Variants in JAK2 observed in about 807,000 individuals in gnomAD.
The protein encoded by JAK2 is tyrosine-protein kinase JAK2.
JAK2 carries 86 observed loss-of-function variants against 139.3 expected under a neutral mutation model. The ratio of observed to expected loss-of-function variants is 0.62; its 90% CI spans 0.52 to 0.74. The LOEUF is 0.74. Among genes scored for constraint, JAK2 ranks in the 30% least tolerant of loss-of-function variants. JAK2 has a pLI of 0.00. For missense variants in JAK2, 1,421 were observed against 1,360.3 expected (o/e 1.04, Z -0.70); for synonymous variants, 490 against 437.7 (o/e 1.12, Z -1.49).
At chr9:5,113,016 G>GT (rs905329375) in intron 22 of JAK2, among the ~76,000 whole-genome samples, 1 of 152,014 alleles carries the variant, frequency 6.6e-6, no homozygotes, top group African/African-American at 2.4e-5. Context: ...GGCAAGGAAG[G>GT]TGAGTGATGG....
At chr9:5,043,493 C>T (rs953093553) in intron 4 of JAK2, among the ~76,000 whole-genome samples, 4 of 152,166 alleles carry the variant, frequency 2.6e-5, no homozygotes, top group Non-Finnish European at 2.9e-5. Flanking sequence ...CAGTATATTG[C>T]TGTTGGGAAT....
At chr9:5,018,132 T>C (rs1822191239) in intron 2 of JAK2, among the ~76,000 whole-genome samples, 1 of 152,216 alleles carries the variant, frequency 6.6e-6, no homozygotes, top group African/African-American at 2.4e-5. Context: ...ATTCCTGTCA[T>C]TTTATTAATT....
intron 5 of JAK2, among the ~76,000 whole-genome samples, chr9:5,050,015 GGGC>G (rs1817301631): frequency 1.3e-5 from 2 of 152,080 alleles, no homozygotes; most frequent in Non-Finnish European, 2.9e-5. Context: ...CATTGTTATG[GGGC>G]ACATGGCTAT....
At chr9:5,082,942 T>C (rs1435337329) in intron 19 of JAK2, among the ~76,000 whole-genome samples, 2 of 152,254 alleles carry the variant, frequency 1.3e-5, no homozygotes, top group Non-Finnish European at 2.9e-5. Flanking sequence ...GAATTTCTTA[T>C]GTCTTCCTTT....
At chr9:5,090,667 T>C (rs1272323069) in intron 21 of JAK2, 72 bp from the exon 22 acceptor site, 1 of 1,518,130 alleles carries the variant, frequency 6.6e-7, no homozygotes, top group Non-Finnish European at 8.9e-7. Context: ...ATAAAGGGAA[T>C]ATATAGGGTT....
intron 2 of JAK2, among the ~76,000 whole-genome samples, chr9:5,006,837 T>C (rs1821338987): frequency 6.6e-6 from 1 of 152,194 alleles, no homozygotes; most frequent in South Asian, 2.1e-4. Context: ...CAATTATATA[T>C]AGAATTATTC....
intron 22 of JAK2, among the ~76,000 whole-genome samples, chr9:5,092,525 T>C (rs1179034140): frequency 6.6e-6 from 1 of 152,028 alleles, no homozygotes; most frequent in East Asian, 1.9e-4. Context: ...ACCATCGTAA[T>C]CAAACCATTT....
rs537424087 is a variant in JAK2 at position 5,022,217 on chromosome 9, A to G, written c.226+4A>G. ...ATTGCTGCTTCTAAAGCTTGTGGTAAGTATTAAAAAACAGCATTTTCCTTT... is the reference window on the plus strand; with the variant it reads ...ATTGCTGCTTCTAAAGCTTGTGGTAGGTATTAAAAAACAGCATTTTCCTTT... On this transcript the variant is annotated splice_donor_region_variant and intron_variant, in intron 3 of 24. Coordinates refer to ENST00000381652, the MANE Select transcript of JAK2 (RefSeq NM_004972.4). 3.7e-6 allele frequency: 6 copies of G among 1,606,592 alleles called. No individual in the cohort carries two copies. The highest frequency in any genetic ancestry group is 5.1e-6 in the Non-Finnish European group (6 of 1,173,746).
At chr9:5,106,252 C>T (rs974433135) in intron 22 of JAK2, among the ~76,000 whole-genome samples, 1 of 152,222 alleles carries the variant, frequency 6.6e-6, no homozygotes. Flanking sequence ...TGAACAGACA[C>T]TTCTCAAAAG....
chr9:5,079,563 A>C (rs1819538373), intron 16 of JAK2, among the ~76,000 whole-genome samples: 1 of 151,886 alleles, frequency 6.6e-6, no homozygotes. Flanking sequence ...TCTCTGAATG[A>C]TGTAACATTA....
intron 5 of JAK2, among the ~76,000 whole-genome samples, chr9:5,044,855 A>G (rs1293809063): frequency 6.6e-6 from 1 of 152,206 alleles, no homozygotes; most frequent in Non-Finnish European, 1.5e-5. Context: ...TATTAGTAAC[A>G]TTTCTTTATG....
upstream of JAK2, chr9:4,984,732 C>A (rs903100720): frequency 6.6e-6 from 1 of 152,370 alleles, no homozygotes; most frequent in Non-Finnish European, 1.5e-5. Context: ...CCGGCCTCCT[C>A]CAGTGCAGGC....
intron 22 of JAK2, among the ~76,000 whole-genome samples, chr9:5,117,777 AAG>A (rs1823313684): frequency 6.6e-6 from 1 of 152,154 alleles, no homozygotes; most frequent in Non-Finnish European, 1.5e-5. Context: ...AGTAATTTTT[AAG>A]AGTATACGAG....
At chr9:5,014,162 T>C (rs946887996) in intron 2 of JAK2, among the ~76,000 whole-genome samples, 2 of 150,882 alleles carry the variant, frequency 1.3e-5, no homozygotes, top group African/African-American at 2.4e-5. Flanking sequence ...TATTTACTCT[T>C]TCTTTTTTTT....
At chr9:5,072,471 T>G in intron 12 of JAK2, 21 bp from the exon 13 acceptor site, 2 of 1,505,042 alleles carry the variant, frequency 1.3e-6, no homozygotes, top group South Asian at 2.7e-5. Context: ...CATTCTTTTC[T>G]TTTACCTTTT....
Position 5,022,091 on chromosome 9 carries a change from T to G in JAK2, c.104T>G (p.Ile35Arg), listed in dbSNP as rs761588246. The change falls in exon 3 of 25, where the codon ATA (isoleucine) becomes AGA (arginine). Residue 35 changes from isoleucine (I) to arginine (R), a missense_variant. Transcript: ENST00000381652. ...GGAAATGCCAATTCTATGAAGCAAA[T>G]AGATCCAGTTCTTCAGGTGTATCTT... The part of the protein sequence containing the change: ...ISGNANSMKQ[I>R]DPVLQVYLYH... 1.2e-6 allele frequency: 2 copies of G among 1,613,774 alleles called. No homozygotes were observed. The highest frequency in any genetic ancestry group is 2.2e-5 in the South Asian group (2 of 91,080).
At chr9:5,080,892 C>CTTTTTT (rs33925764) in intron 18 of JAK2, among the ~76,000 whole-genome samples, 182 of 95,552 alleles carry the variant, frequency 1.9e-3, no homozygotes, top group Non-Finnish European at 2.6e-3. Context: ...AAGACCTTTT[C>CTTTTTT]TTTTTTTTTT....
intron 2 of JAK2, among the ~76,000 whole-genome samples, chr9:4,998,245 A>C (rs1039864852): frequency 5.9e-5 from 9 of 151,790 alleles, no homozygotes; most frequent in African/African-American, 2.2e-4. Context: ...GGGAAAAAAA[A>C]CTCCAACGGG....
intron 2 of JAK2, among the ~76,000 whole-genome samples, chr9:5,012,702 T>A (rs78979592): frequency 0.088 from 13,442 of 152,202 alleles, 1,729 homozygotes; most frequent in African/African-American, 0.29. Context: ...GAATAGATCG[T>A]TTGACAAGGC....
Sources: allele counts gnomAD v4.1 joint callset (sites outside exome capture counted in the v4.1 genomes callset), GRCh38; gene constraint gnomAD v4.1.1; transcripts MANE v1.5; gene names NCBI Gene and HGNC (gene_info 2026-07-23, HGNC 2026-07-21).